Variants in PABPC4L observed in about 807,000 individuals in gnomAD.
PABPC4L encodes the protein polyadenylate-binding protein 4-like.
For synonymous variants in PABPC4L, 169 were observed against 164.1 expected (o/e 1.03, Z -0.23); for missense variants, 452 against 451.4 (o/e 1.00, Z -0.01).
chr4:134,176,521 C>A, the PABPC4L span, among the ~76,000 whole-genome samples: 1 of 152,080 alleles, frequency 6.6e-6, no homozygotes, highest in African/African-American at 2.4e-5. Context: ...AATGTAGAAA[C>A]ACTTAAAAAT....
chr4:134,092,915 T>G, the PABPC4L span, among the ~76,000 whole-genome samples: 1 of 152,098 alleles, frequency 6.6e-6, no homozygotes, highest in Non-Finnish European at 1.5e-5. Flanking sequence ...ACTCTCTTAT[T>G]TTTTTCTACG....
chr4:134,139,568 T>C, the PABPC4L span, among the ~76,000 whole-genome samples: 1 of 152,018 alleles, frequency 6.6e-6, no homozygotes, highest in East Asian at 1.9e-4. Flanking sequence ...AAATAAGGTC[T>C]ATTTTAGTTT....
the PABPC4L span, among the ~76,000 whole-genome samples, chr4:134,113,328 T>A: frequency 1.3e-5 from 2 of 151,950 alleles, no homozygotes; most frequent in African/African-American, 4.8e-5. Flanking sequence ...AAACTTTCCA[T>A]CCTGCAAGCT....
At chr4:134,127,302 G>C in the PABPC4L span, among the ~76,000 whole-genome samples, 1 of 152,006 alleles carries the variant, frequency 6.6e-6, no homozygotes, top group African/African-American at 2.4e-5. Flanking sequence ...AACGGCAGCT[G>C]ATGCCCTCTT....
chr4:134,184,401 C>T, the PABPC4L span, among the ~76,000 whole-genome samples: 1 of 151,958 alleles, frequency 6.6e-6, no homozygotes, highest in African/African-American at 2.4e-5. Flanking sequence ...AAGCAACAGA[C>T]TGGGCTTCCT....
chr4:134,086,273 C>T, the PABPC4L span, among the ~76,000 whole-genome samples: 1 of 151,618 alleles, frequency 6.6e-6, no homozygotes, highest in Non-Finnish European at 1.5e-5. Flanking sequence ...TATTTATTTG[C>T]AAATATTTTC....
At chr4:134,055,891 C>T in the PABPC4L span, among the ~76,000 whole-genome samples, 1 of 151,998 alleles carries the variant, frequency 6.6e-6, no homozygotes, top group Admixed American at 6.6e-5. Flanking sequence ...AAGTACTCTG[C>T]CTAGCCCTAG....
At chr4:134,086,229 C>T in the PABPC4L span, among the ~76,000 whole-genome samples, 2 of 148,778 alleles carry the variant, frequency 1.3e-5, no homozygotes, top group African/African-American at 2.5e-5. Flanking sequence ...TAAATATTTA[C>T]TCTCCTTCTT....
the PABPC4L span, among the ~76,000 whole-genome samples, chr4:134,161,777 A>G: frequency 8.5e-5 from 13 of 152,156 alleles, no homozygotes; most frequent in Non-Finnish European, 1.6e-4. Flanking sequence ...AGAATACTCT[A>G]GCACTGTAGC....
At chr4:134,108,409 A>T in the PABPC4L span, among the ~76,000 whole-genome samples, 1 of 151,850 alleles carries the variant, frequency 6.6e-6, no homozygotes, top group African/African-American at 2.4e-5. Flanking sequence ...TGTAATGAAA[A>T]TGATAACCTA....
the PABPC4L span, among the ~76,000 whole-genome samples, chr4:134,083,325 T>C: frequency 4.6e-5 from 7 of 152,224 alleles, no homozygotes; most frequent in East Asian, 1.4e-3. Flanking sequence ...GACTGCCAGC[T>C]TTACTGATCG....
chr4:134,134,665 T>C, the PABPC4L span, among the ~76,000 whole-genome samples: 1 of 149,550 alleles, frequency 6.7e-6, no homozygotes, highest in Non-Finnish European at 1.5e-5. Context: ...ATAGCAATTT[T>C]ATATATAAAT....
the PABPC4L span, among the ~76,000 whole-genome samples, chr4:134,070,670 CA>C: frequency 2.6e-5 from 4 of 151,994 alleles, no homozygotes; most frequent in South Asian, 6.2e-4. Flanking sequence ...TGTGGGCCAG[CA>C]AAATGTGCAG....
the PABPC4L span, among the ~76,000 whole-genome samples, chr4:133,996,868 C>G: frequency 6.6e-6 from 1 of 151,760 alleles, no homozygotes; most frequent in East Asian, 1.9e-4. Context: ...TTAACATTGT[C>G]GACCCCCTAG....
At chr4:133,991,116 A>C in the PABPC4L span, among the ~76,000 whole-genome samples, 2 of 152,294 alleles carry the variant, frequency 1.3e-5, no homozygotes, top group East Asian at 3.9e-4. Context: ...GCAACATAGA[A>C]TTACTAAATA....
At chr4:133,961,277 T>C in the PABPC4L span, among the ~76,000 whole-genome samples, 7 of 152,266 alleles carry the variant, frequency 4.6e-5, no homozygotes, top group Admixed American at 4.6e-4. Context: ...CAGAGCCTGG[T>C]AGACTTGCTA....
At chr4:134,042,102 A>G in the PABPC4L span, among the ~76,000 whole-genome samples, 6 of 152,218 alleles carry the variant, frequency 3.9e-5, no homozygotes, top group Middle Eastern at 3.2e-3. Context: ...TTACTGAGTC[A>G]TAAGAAAGAA....
At chr4:133,972,031 G>A in the PABPC4L span, among the ~76,000 whole-genome samples, 18,587 of 152,032 alleles carry the variant, frequency 0.12, 1,498 homozygotes, top group Non-Finnish European at 0.18. Flanking sequence ...CCATAACCCA[G>A]CATACAAAAT....
chr4:133,961,813 G>A, the PABPC4L span, among the ~76,000 whole-genome samples: 4 of 152,152 alleles, frequency 2.6e-5, no homozygotes, highest in Non-Finnish European at 5.9e-5. Flanking sequence ...AGTGAGGCAT[G>A]TCCATTGCCG....
Sources: allele counts gnomAD v4.1 joint callset (sites outside exome capture counted in the v4.1 genomes callset), GRCh38; gene constraint gnomAD v4.1.1; transcripts MANE v1.5; gene names NCBI Gene and HGNC (gene_info 2026-07-23, HGNC 2026-07-21).